The following BPI variants were observed in gnomAD, a reference collection of about 807,000 sequenced individuals.
BPI encodes bactericidal permeability-increasing protein.
In BPI, 48 loss-of-function variants were observed where a neutral mutation model predicts 57.6. The observed-to-expected ratio is 0.83, with a 90% confidence interval of 0.66 to 1.06. The LOEUF (loss-of-function observed/expected upper bound fraction) is 1.06, where lower values mean the gene tolerates loss of function less well. Ranked by LOEUF, BPI falls within the 50% of genes least tolerant of loss-of-function variation. The pLI is 0.00. For missense variants in BPI, 651 were observed against 609.7 expected (o/e 1.07, Z -0.71); for synonymous variants, 237 against 238.2 (o/e 0.99, Z 0.05).
Position 38,326,398 on chromosome 20 carries a change from A to G in BPI, c.1127A>G (p.Asn376Ser), listed in dbSNP as rs754836893. Reference sequence around the variant, plus strand: ...GTCCAGGCCTTTGCCGTCCTCCCCAACTCCTCCCTGGCTTCCCTCTTCCTG... The same window carrying G: ...GTCCAGGCCTTTGCCGTCCTCCCCAGCTCCTCCCTGGCTTCCCTCTTCCTG... ...VDVQAFAVLPNSSLASLFLIG... is the reference protein window; with the variant it reads ...VDVQAFAVLPSSSLASLFLIG... The change falls in exon 10 of 15, where the codon AAC becomes AGC. Residue 376 changes from asparagine to serine, a missense_variant. Asn to Ser is a conservative substitution (Grantham distance 46, BLOSUM62 1). Coordinates refer to ENST00000642449, the MANE Select transcript of BPI (RefSeq NM_001725.3). 9 of 1,613,306 alleles carry G rather than the reference A, an allele frequency of 5.6e-6. No individual in the cohort carries two copies. The highest frequency in any genetic ancestry group is 1.6e-4 in the Middle Eastern group (1 of 6,084).
chr20:38,310,774 C>A, intron 4 of BPI, 122 bp downstream of exon 4: 1 of 1,332,708 alleles, frequency 7.5e-7, no homozygotes. Context: ...TCAGAGGCCT[C>A]AGGCATGGTA....
At chr20:38,311,010 C>T (rs35683924) in intron 4 of BPI, among the ~76,000 whole-genome samples, 2,490 of 152,328 alleles carry the variant, frequency 0.016, 56 homozygotes, top group Non-Finnish European at 0.024. Context: ...GCACCAGGCT[C>T]GTGCAACATG....
At chr20:38,334,994 C>G (rs2076760212) in intron 13 of BPI, among the ~76,000 whole-genome samples, 1 of 152,110 alleles carries the variant, frequency 6.6e-6, no homozygotes, top group African/African-American at 2.4e-5. Context: ...GGCAAAAGTA[C>G]TAATAGAGGC....
intron 5 of BPI, among the ~76,000 whole-genome samples, chr20:38,313,277 G>A (rs2122505737): frequency 6.6e-6 from 1 of 151,588 alleles, no homozygotes; most frequent in Non-Finnish European, 1.5e-5. Context: ...CAGCTACTCG[G>A]CATGCTGAGG....
chr20:38,328,322 G>T (rs2076724102), intron 11 of BPI, among the ~76,000 whole-genome samples: 1 of 151,956 alleles, frequency 6.6e-6, no homozygotes, highest in African/African-American at 2.4e-5. Flanking sequence ...GGAGGCTGAG[G>T]CAGGTGGATC....
intron 5 of BPI, among the ~76,000 whole-genome samples, chr20:38,314,182 T>C (rs2076637535): frequency 1.2e-5 from 1 of 82,460 alleles, no homozygotes; most frequent in Admixed American, 1.4e-4. Flanking sequence ...ATGATGATAA[T>C]AATGATGGTG....
At chr20:38,334,229 G>A (rs2076755869) in intron 12 of BPI, among the ~76,000 whole-genome samples, 1 of 152,190 alleles carries the variant, frequency 6.6e-6, no homozygotes, top group Non-Finnish European at 1.5e-5. Context: ...TGGAGCAAAA[G>A]AAACCACTTC....
At chr20:38,327,458 C>A in intron 10 of BPI, 130 bp from the exon 11 acceptor site, 1 of 923,744 alleles carries the variant, frequency 1.1e-6, no homozygotes, top group Non-Finnish European at 1.7e-6. Flanking sequence ...ACTCCTCTGG[C>A]TCTGTGGGCC....
intron 3 of BPI, among the ~76,000 whole-genome samples, chr20:38,309,368 C>T (rs894370511): frequency 6.6e-6 from 1 of 152,130 alleles, no homozygotes; most frequent in African/African-American, 2.4e-5. Context: ...ACAAACCATC[C>T]CAAATTCTGT....
intron 1 of BPI, among the ~76,000 whole-genome samples, chr20:38,306,720 G>A (rs1232701878): frequency 6.6e-6 from 1 of 152,122 alleles, no homozygotes; most frequent in Non-Finnish European, 1.5e-5. Flanking sequence ...GATCTGTGGG[G>A]GTGTAGCATA....
chr20:38,324,488 G>A (rs1317460579), intron 8 of BPI, among the ~76,000 whole-genome samples: 1 of 152,164 alleles, frequency 6.6e-6, no homozygotes, highest in Non-Finnish European at 1.5e-5. Context: ...TGGAAATGGG[G>A]CATCCTATGA....
rs1441762385 is a variant in BPI at position 38,330,903 on chromosome 20, G to T, written c.1230-145G>T. On this transcript the variant is annotated intron_variant, in intron 11 of 14. Transcript: ENST00000642449. ...GTGAATTCTCCAAAGGCAACATCGG[G>T]GGGCTGTGACCCGTGGAAGGGGAGT... 1.4e-5 allele frequency: 12 copies of T among 871,198 alleles called. No individual in the cohort carries two copies. In the Admixed American group the frequency reaches 2.0e-4, roughly 15 times the overall value. 54.0% of individuals were successfully genotyped at this position (871,198 alleles called of 1,614,324 possible).
At chr20:38,331,365 A>G (rs2076741780) in intron 12 of BPI, among the ~76,000 whole-genome samples, 1 of 152,214 alleles carries the variant, frequency 6.6e-6, no homozygotes, top group Non-Finnish European at 1.5e-5. Flanking sequence ...TTTAAATGGG[A>G]TTAAACATGC....
chr20:38,319,805 AC>A (rs962594721), intron 6 of BPI: 5 of 194,188 alleles, frequency 2.6e-5, no homozygotes, highest in Non-Finnish European at 4.2e-5. Context: ...TCCTCTCAAA[AC>A]CCTCCCAGCA....
At chr20:38,325,087 C>T (rs2076705904) in intron 9 of BPI, among the ~76,000 whole-genome samples, 1 of 152,156 alleles carries the variant, frequency 6.6e-6, no homozygotes, top group South Asian at 2.1e-4. Flanking sequence ...TTATTGAATG[C>T]CCACCATGTG....
chr20:38,319,022 G>A (rs1298795397), intron 6 of BPI, among the ~76,000 whole-genome samples: 1 of 152,166 alleles, frequency 6.6e-6, no homozygotes, highest in Non-Finnish European at 1.5e-5. Flanking sequence ...ACCACCTGAG[G>A]TCAGGAGTTC....
At chr20:38,321,303 A>G (rs1358241531) in intron 7 of BPI, among the ~76,000 whole-genome samples, 1 of 151,666 alleles carries the variant, frequency 6.6e-6, no homozygotes, top group Non-Finnish European at 1.5e-5. Context: ...GGATGGATGG[A>G]TGGATAGATG....
chr20:38,326,627 C>A, intron 10 of BPI, 195 bp downstream of exon 10: 5 of 543,848 alleles, frequency 9.2e-6, no homozygotes, highest in Non-Finnish European at 1.5e-5. Context: ...TTCACTAGTG[C>A]GTTTGTTTAC....
intron 3 of BPI, 128 bp downstream of exon 3, chr20:38,309,186 C>T (rs1475178150): frequency 1.5e-5 from 20 of 1,348,424 alleles, no homozygotes; most frequent in Non-Finnish European, 4.1e-6. Context: ...CAGCGTTCCT[C>T]AGGAAATTCT....
Sources: gnomAD v4.1 joint callset for allele counts (sites outside exome capture counted in the v4.1 genomes callset) on GRCh38, gnomAD v4.1.1 for gene constraint, MANE v1.5 for transcripts, NCBI Gene and HGNC (gene_info 2026-07-23, HGNC 2026-07-21) for gene names.